CNTNAP2: variants seen among roughly 807,000 people sequenced by gnomAD.
The protein encoded by CNTNAP2 is contactin associated protein 2, also known as contactin-associated protein-like 2.
In CNTNAP2, 98 loss-of-function variants were observed where a neutral mutation model predicts 155.2. The ratio of observed to expected loss-of-function variants is 0.63; its 90% CI spans 0.54 to 0.75. CNTNAP2 has a LOEUF of 0.75. CNTNAP2 is among the 30% of genes least tolerant of loss of function. CNTNAP2 has a pLI of 0.00. For missense variants in CNTNAP2, 1,727 were observed against 1,688.1 expected (o/e 1.02, Z -0.40); for synonymous variants, 651 against 631.2 (o/e 1.03, Z -0.47).
chr7:147,486,597 A>T (rs1798515454), intron 11 of CNTNAP2, among the ~76,000 whole-genome samples: 1 of 152,212 alleles, frequency 6.6e-6, no homozygotes, highest in South Asian at 2.1e-4. Flanking sequence ...AGAGGGTAAA[A>T]ATATTTTAAA....
At chr7:147,918,121 G>A (rs1266080669) in intron 14 of CNTNAP2, among the ~76,000 whole-genome samples, 23 of 152,120 alleles carry the variant, frequency 1.5e-4, no homozygotes, top group Admixed American at 1.5e-3. Flanking sequence ...TTATTTTAAA[G>A]TTATTTTCTC....
chr7:147,737,611 C>T (rs915443879), intron 13 of CNTNAP2, among the ~76,000 whole-genome samples: 1 of 152,214 alleles, frequency 6.6e-6, no homozygotes, highest in African/African-American at 2.4e-5. Flanking sequence ...GCCCTGCCCC[C>T]AGAGGTGGAG....
At chr7:147,405,905 A>G (rs766415068) in intron 10 of CNTNAP2, among the ~76,000 whole-genome samples, 1 of 152,176 alleles carries the variant, frequency 6.6e-6, no homozygotes, top group African/African-American at 2.4e-5. Context: ...GGATTGAACT[A>G]CAGACTTCAA....
At chr7:147,353,733 C>T (rs867474762) in intron 9 of CNTNAP2, among the ~76,000 whole-genome samples, 2 of 152,116 alleles carry the variant, frequency 1.3e-5, no homozygotes, top group Non-Finnish European at 2.9e-5. Context: ...CCGTCTTCCA[C>T]AATGGTTGAA....
At chr7:146,792,622 T>A (rs951023429) in intron 2 of CNTNAP2, among the ~76,000 whole-genome samples, 2 of 152,118 alleles carry the variant, frequency 1.3e-5, no homozygotes, top group African/African-American at 4.8e-5. Context: ...ATACCACCAC[T>A]AAAGATTCAT....
intron 1 of CNTNAP2, among the ~76,000 whole-genome samples, chr7:146,590,820 A>T (rs1798770493): frequency 6.6e-6 from 1 of 152,182 alleles, no homozygotes; most frequent in Admixed American, 6.5e-5. Context: ...AAAGCTTGCC[A>T]TTCTTGATTG....
chr7:146,124,100 G>C (rs1797601726), intron 1 of CNTNAP2, among the ~76,000 whole-genome samples: 1 of 152,140 alleles, frequency 6.6e-6, no homozygotes, highest in Admixed American at 6.5e-5. Flanking sequence ...GCCTGTTGAG[G>C]GGTGGAGGGC....
At chr7:146,185,780 T>G (rs1292031907) in intron 1 of CNTNAP2, among the ~76,000 whole-genome samples, 2 of 149,548 alleles carry the variant, frequency 1.3e-5, no homozygotes, top group African/African-American at 2.4e-5. Context: ...TTTTTTTTTG[T>G]AGAACACACC....
chr7:146,659,183 C>T (rs551507934), intron 1 of CNTNAP2, among the ~76,000 whole-genome samples: 4 of 152,188 alleles, frequency 2.6e-5, no homozygotes, highest in South Asian at 2.1e-4. Context: ...AAGAAAAGGG[C>T]GCAGAGAAGA....
chr7:147,363,612 A>C (rs1307547649), intron 9 of CNTNAP2, among the ~76,000 whole-genome samples: 1 of 152,178 alleles, frequency 6.6e-6, no homozygotes, highest in Non-Finnish European at 1.5e-5. Context: ...AGTCATCACC[A>C]AATAGACTCT....
At chr7:147,945,868 C>CTTTTTTTTTTTTTTTTT (rs34305612) in intron 14 of CNTNAP2, among the ~76,000 whole-genome samples, 5 of 123,358 alleles carry the variant, frequency 4.1e-5, no homozygotes, top group Non-Finnish European at 5.0e-5. Flanking sequence ...TTTTCTTTTT[C>CTTTTTTTTTTTTTTTTT]TTTTTTTTTT....
intron 15 of CNTNAP2, among the ~76,000 whole-genome samples, chr7:148,106,493 G>GATAGATATATATATATATATATAT (rs1490418389): frequency 5.6e-5 from 7 of 124,910 alleles, no homozygotes; most frequent in African/African-American, 1.7e-4. Context: ...CACACTTTGA[G>GATAGATATATATATATATATATAT]ATATATATAT....
At chr7:147,153,202 C>T (rs969196563) in intron 8 of CNTNAP2, among the ~76,000 whole-genome samples, 2 of 152,070 alleles carry the variant, frequency 1.3e-5, no homozygotes, top group Non-Finnish European at 2.9e-5. Context: ...AACATTTTCT[C>T]TATAGTAAGC....
chr7:147,021,567 C>G (rs928165005), intron 3 of CNTNAP2, among the ~76,000 whole-genome samples: 8 of 152,162 alleles, frequency 5.3e-5, no homozygotes, highest in African/African-American at 1.9e-4. Flanking sequence ...TGTCATGTGT[C>G]TCACTTCACT....
chr7:146,626,593 A>G (rs933995755), intron 1 of CNTNAP2, among the ~76,000 whole-genome samples: 2 of 152,192 alleles, frequency 1.3e-5, no homozygotes, highest in African/African-American at 4.8e-5. Context: ...TAAATACAGA[A>G]TATCATTGAT....
intron 14 of CNTNAP2, among the ~76,000 whole-genome samples, chr7:147,930,006 G>A (rs2116796742): frequency 6.6e-6 from 1 of 152,242 alleles, no homozygotes; most frequent in South Asian, 2.1e-4. Context: ...AGCTCAGGCG[G>A]GAATGCTCAC....
chr7:148,313,077 G>C (rs1797623395), intron 21 of CNTNAP2, among the ~76,000 whole-genome samples: 1 of 151,756 alleles, frequency 6.6e-6, no homozygotes, highest in Admixed American at 6.6e-5. Flanking sequence ...GCTTAAAAGA[G>C]TATTGTCTAA....
chr7:146,164,567 A>G (rs1033950976), intron 1 of CNTNAP2, among the ~76,000 whole-genome samples: 30 of 152,226 alleles, frequency 2.0e-4, no homozygotes, highest in African/African-American at 7.0e-4. Flanking sequence ...ACTTAATAAC[A>G]ACTCTTGATG....
intron 11 of CNTNAP2, among the ~76,000 whole-genome samples, chr7:147,542,758 A>G (rs1799663490): frequency 6.6e-6 from 1 of 152,222 alleles, no homozygotes; most frequent in Admixed American, 6.5e-5. Flanking sequence ...GACAATATTT[A>G]TGTGCTCTGA....
Sources: allele counts gnomAD v4.1 joint callset (sites outside exome capture counted in the v4.1 genomes callset), GRCh38; gene constraint gnomAD v4.1.1; transcripts MANE v1.5; gene names NCBI Gene and HGNC (gene_info 2026-07-23, HGNC 2026-07-21).